The following EFCAB11 variants were observed in gnomAD, a reference collection of about 807,000 sequenced individuals.
EFCAB11 encodes EF-hand calcium binding domain 11.
A neutral mutation model predicts 23.0 loss-of-function variants in EFCAB11; 14 were observed. That is an observed-to-expected ratio of 0.61 (90% CI 0.40 to 0.95). The LOEUF (loss-of-function observed/expected upper bound fraction) is 0.95, where lower values mean the gene tolerates loss of function less well. EFCAB11 is among the 40% of genes least tolerant of loss of function. The pLI, the probability that EFCAB11 is intolerant of heterozygous loss-of-function variation, is 0.00. For synonymous variants in EFCAB11, 65 were observed against 66.6 expected (o/e 0.98, Z 0.11); for missense variants, 198 against 195.8 (o/e 1.01, Z -0.07).
intron 5 of EFCAB11, among the ~76,000 whole-genome samples, chr14:89,853,820 T>G (rs140500778): frequency 2.6e-4 from 39 of 152,350 alleles, no homozygotes; most frequent in Non-Finnish European, 5.3e-4. Context: ...GTTATTTGTT[T>G]ACATAGGAAT....
chr14:89,806,534 T>C (rs562650764), intron 5 of EFCAB11, among the ~76,000 whole-genome samples: 4 of 152,188 alleles, frequency 2.6e-5, no homozygotes, highest in Non-Finnish European at 5.9e-5. Context: ...AAAGTGAACA[T>C]CTTTGAACTA....
intron 5 of EFCAB11, among the ~76,000 whole-genome samples, chr14:89,869,899 T>G (rs1888214397): frequency 6.6e-6 from 1 of 152,168 alleles, no homozygotes; most frequent in South Asian, 2.1e-4. Flanking sequence ...AGGCCTTGTT[T>G]TGGGCTAAGC....
chr14:89,846,063 C>T (rs895998597), intron 5 of EFCAB11, among the ~76,000 whole-genome samples: 1 of 152,170 alleles, frequency 6.6e-6, no homozygotes, highest in Non-Finnish European at 1.5e-5. Flanking sequence ...TCAGAGTCCT[C>T]ATCCATAAAA....
At chr14:89,886,287 G>A (rs1888769830) in intron 5 of EFCAB11, among the ~76,000 whole-genome samples, 1 of 152,058 alleles carries the variant, frequency 6.6e-6, no homozygotes, top group Admixed American at 6.6e-5. Context: ...GGAGGCCAAG[G>A]CTGGTGGATC....
At position 89,886,539 on chromosome 14, in the gene EFCAB11, A is replaced by C. The variant is rs1566797334; in HGVS notation, c.410+45002T>G. Among the ~76,000 whole-genome samples the C allele has an allele frequency of 1.4e-5, 2 of 145,370 alleles. 1 individual carries two copies. The highest frequency in any genetic ancestry group is 5.3e-5 in the African/African-American group (2 of 37,858). Reference sequence around the variant, plus strand: ...TCTCAAAAAAAAAAAAAAAAAAAAAAAAAAAGGAAAGTGATCTGCTTTACT... The same window carrying C: ...TCTCAAAAAAAAAAAAAAAAAAAAACAAAAAGGAAAGTGATCTGCTTTACT... On this transcript the variant is annotated intron_variant, in intron 5 of 5. Transcript: ENST00000316738.
chr14:89,892,736 T>C (rs1393372697), intron 5 of EFCAB11, among the ~76,000 whole-genome samples: 1 of 152,028 alleles, frequency 6.6e-6, no homozygotes, highest in Non-Finnish European at 1.5e-5. Flanking sequence ...ACCCCGTCTC[T>C]ACTAAAAATA....
At chr14:89,880,769 CT>C (rs1467371916) in intron 5 of EFCAB11, among the ~76,000 whole-genome samples, 1 of 152,158 alleles carries the variant, frequency 6.6e-6, no homozygotes, top group Admixed American at 6.5e-5. Context: ...TGGTACTTAT[CT>C]TGGTTATTTC....
chr14:89,881,176 T>C (rs1459075341), intron 5 of EFCAB11, among the ~76,000 whole-genome samples: 2 of 151,966 alleles, frequency 1.3e-5, no homozygotes, highest in Admixed American at 6.6e-5. Flanking sequence ...TTTAGTTTAC[T>C]TGATACTGTT....
chr14:89,857,867 T>C (rs1887803340), intron 5 of EFCAB11, among the ~76,000 whole-genome samples: 2 of 152,300 alleles, frequency 1.3e-5, no homozygotes, highest in South Asian at 4.1e-4. Flanking sequence ...CTCATTATCT[T>C]ATACAAGAGA....
chr14:89,901,467 C>G (rs1889334819), intron 5 of EFCAB11, among the ~76,000 whole-genome samples: 1 of 152,146 alleles, frequency 6.6e-6, no homozygotes, highest in Admixed American at 6.5e-5. Flanking sequence ...TGTAAAATGG[C>G]CCAAGTGGAC....
chr14:89,889,470 G>A (rs1251660882), intron 5 of EFCAB11, among the ~76,000 whole-genome samples: 2 of 152,200 alleles, frequency 1.3e-5, no homozygotes, highest in Non-Finnish European at 2.9e-5. Context: ...AATGGTAAGT[G>A]CTTAAAAAAC....
chr14:89,832,730 C>T (rs72693778), intron 5 of EFCAB11, among the ~76,000 whole-genome samples: 11,984 of 152,208 alleles, frequency 0.079, 545 homozygotes, highest in South Asian at 0.17. Context: ...TAACACAAAG[C>T]CTAGTTTATA....
At chr14:89,821,893 A>C (rs965685181) in intron 5 of EFCAB11, among the ~76,000 whole-genome samples, 4 of 152,266 alleles carry the variant, frequency 2.6e-5, no homozygotes, top group Non-Finnish European at 2.9e-5. Context: ...CAATCCAAAA[A>C]GGAGAATAAA....
chr14:89,905,528 C>T (rs959000517), intron 5 of EFCAB11, among the ~76,000 whole-genome samples: 3 of 152,164 alleles, frequency 2.0e-5, no homozygotes, highest in Non-Finnish European at 2.9e-5. Context: ...ACACATCTTT[C>T]AGGAGAGGAC....
At chr14:89,866,483 T>C (rs1888095980) in intron 5 of EFCAB11, among the ~76,000 whole-genome samples, 1 of 152,190 alleles carries the variant, frequency 6.6e-6, no homozygotes, top group African/African-American at 2.4e-5. Context: ...AAGGGCCCCC[T>C]CCAGCACCTG....
chr14:89,853,050 G>A (rs559620048), intron 5 of EFCAB11, among the ~76,000 whole-genome samples: 24 of 152,228 alleles, frequency 1.6e-4, no homozygotes, highest in African/African-American at 5.8e-4. Context: ...TTCATTTTCA[G>A]GAAAAAGCTG....
intron 5 of EFCAB11, among the ~76,000 whole-genome samples, chr14:89,930,330 T>C (rs1327820760): frequency 2.0e-5 from 3 of 152,206 alleles, no homozygotes; most frequent in African/African-American, 7.2e-5. Flanking sequence ...TAAGTTACTT[T>C]TATCCCAAAT....
intron 5 of EFCAB11, among the ~76,000 whole-genome samples, chr14:89,892,914 A>G (rs1396640834): frequency 6.6e-6 from 1 of 152,000 alleles, no homozygotes; most frequent in Non-Finnish European, 1.5e-5. Context: ...AAAAAAAGAA[A>G]AGAAAAGAAA....
At chr14:89,936,854 C>T (rs1478896839) in intron 3 of EFCAB11, among the ~76,000 whole-genome samples, 1 of 152,198 alleles carries the variant, frequency 6.6e-6, no homozygotes, top group African/African-American at 2.4e-5. Context: ...CTACTACTAG[C>T]TCCACCTGCT....
Sources: allele counts gnomAD v4.1 joint callset (sites outside exome capture counted in the v4.1 genomes callset), GRCh38; gene constraint gnomAD v4.1.1; transcripts MANE v1.5; gene names NCBI Gene and HGNC (gene_info 2026-07-23, HGNC 2026-07-21).